CHRM3: variants seen among roughly 807,000 people sequenced by gnomAD.
The protein encoded by CHRM3 is cholinergic receptor muscarinic 3.
Under a neutral mutation model 41.8 loss-of-function variants are expected in CHRM3, and 11 were observed. That is an observed-to-expected ratio of 0.26 (90% CI 0.17 to 0.44). The LOEUF is 0.44. CHRM3 is among the 20% of genes least tolerant of loss of function. The pLI is 1.00. For synonymous variants in CHRM3, 297 were observed against 301.4 expected, an observed-to-expected ratio of 0.99 and a Z score of 0.15; for missense variants, 571 against 745.4, an observed-to-expected ratio of 0.77 and a Z score of 2.72.
chr1:239,715,989 C>A (rs1314549643), intron 5 of CHRM3, among the ~76,000 whole-genome samples: 2 of 152,054 alleles, frequency 1.3e-5, no homozygotes, highest in African/African-American at 4.8e-5. Flanking sequence ...TGCAGAGTCA[C>A]ATGAAGTTAA....
At chr1:239,509,756 T>C (rs1392994185) in intron 2 of CHRM3, among the ~76,000 whole-genome samples, 1 of 152,202 alleles carries the variant, frequency 6.6e-6, no homozygotes, top group African/African-American at 2.4e-5. Flanking sequence ...TGCTTAGATA[T>C]CGTGTATGCT....
intron 1 of CHRM3, among the ~76,000 whole-genome samples, chr1:239,469,325 T>C (rs1665947316): frequency 1.3e-5 from 2 of 152,206 alleles, no homozygotes. Flanking sequence ...ACCCATTCAA[T>C]TTTAAATGTT....
intron 1 of CHRM3, among the ~76,000 whole-genome samples, chr1:239,416,724 T>G (rs572185655): frequency 6.6e-6 from 1 of 152,286 alleles, no homozygotes; most frequent in East Asian, 1.9e-4. Flanking sequence ...CTGGAAGGGT[T>G]TATATATGTT....
chr1:239,893,456 T>C (rs558768808), intron 6 of CHRM3, among the ~76,000 whole-genome samples: 1 of 152,336 alleles, frequency 6.6e-6, no homozygotes, highest in Admixed American at 6.5e-5. Context: ...GTGTGTGGCA[T>C]CCTGCATCTG....
At chr1:239,497,423 T>C (rs1313654915) in intron 2 of CHRM3, among the ~76,000 whole-genome samples, 1 of 152,118 alleles carries the variant, frequency 6.6e-6, no homozygotes, top group East Asian at 1.9e-4. Context: ...GTTTCATGTC[T>C]CTCTTTGTGC....
At chr1:239,541,858 T>G (rs1658813424) in intron 2 of CHRM3, among the ~76,000 whole-genome samples, 1 of 152,204 alleles carries the variant, frequency 6.6e-6, no homozygotes, top group African/African-American at 2.4e-5. Context: ...TTTCTGTCAT[T>G]CTTCCTTTAC....
In CHRM3 at chr1:239,711,441, C is replaced by A. The variant is rs1042943613; in HGVS notation, c.-147+33153C>A. 7.9e-5 allele frequency among the ~76,000 whole-genome samples: 12 copies of A among 151,558 alleles called. 1 individual carries two copies. The East Asian group carries it at 2.3e-3, about 29-fold the overall frequency. On this transcript the variant is annotated intron_variant, in intron 5 of 6. Coordinates refer to ENST00000676153, the MANE Select transcript of CHRM3 (RefSeq NM_001375978.1). Reference sequence around the variant, plus strand: ...AGACCCCCCATTCCATCCATCAGCCCAAAGATTTAATAAATCAGTAATCAT... The same window carrying A: ...AGACCCCCCATTCCATCCATCAGCCAAAAGATTTAATAAATCAGTAATCAT...
intron 3 of CHRM3, among the ~76,000 whole-genome samples, chr1:239,613,073 G>T (rs751156753): frequency 6.6e-6 from 1 of 152,156 alleles, no homozygotes; most frequent in Admixed American, 6.6e-5. Flanking sequence ...GACTGCTGCC[G>T]AAAACTATAT....
At chr1:239,409,708 C>A (rs1660917185) in intron 1 of CHRM3, among the ~76,000 whole-genome samples, 1 of 152,022 alleles carries the variant, frequency 6.6e-6, no homozygotes, top group Non-Finnish European at 1.5e-5. Flanking sequence ...TTTGGGAGGC[C>A]GAGGTGGGCG....
intron 3 of CHRM3, among the ~76,000 whole-genome samples, chr1:239,581,982 G>A (rs1456824182): frequency 6.6e-6 from 1 of 152,166 alleles, no homozygotes; most frequent in Admixed American, 6.5e-5. Flanking sequence ...ACAATAACAT[G>A]AAAGAATACA....
chr1:239,403,850 G>T (rs996761577), intron 1 of CHRM3, among the ~76,000 whole-genome samples: 1 of 151,012 alleles, frequency 6.6e-6, no homozygotes, highest in Non-Finnish European at 1.5e-5. Context: ...ATGGGGACAG[G>T]GTCTGTCAAT....
chr1:239,787,648 C>T (rs541688165), intron 5 of CHRM3, among the ~76,000 whole-genome samples: 16 of 152,140 alleles, frequency 1.1e-4, no homozygotes, highest in Non-Finnish European at 2.2e-4. Flanking sequence ...CGTGCTGGCC[C>T]ATGCTGAGGG....
intron 5 of CHRM3, among the ~76,000 whole-genome samples, chr1:239,799,420 C>T (rs1239732926): frequency 6.6e-6 from 1 of 152,116 alleles, no homozygotes; most frequent in East Asian, 1.9e-4. Context: ...TTCTCAGGGG[C>T]AGGATCGAAC....
At chr1:239,450,749 T>C (rs1478523177) in intron 1 of CHRM3, among the ~76,000 whole-genome samples, 2 of 152,226 alleles carry the variant, frequency 1.3e-5, no homozygotes, top group East Asian at 3.8e-4. Context: ...CTCTAGGCAG[T>C]AATGGCCATT....
intron 1 of CHRM3, among the ~76,000 whole-genome samples, chr1:239,396,564 T>C (rs1417244755): frequency 6.6e-6 from 1 of 152,090 alleles, no homozygotes. Flanking sequence ...CAGTGAGCTG[T>C]GATGGTGCCA....
intron 3 of CHRM3, among the ~76,000 whole-genome samples, chr1:239,615,443 T>C (rs767222850): frequency 6.6e-6 from 1 of 152,062 alleles, no homozygotes; most frequent in Non-Finnish European, 1.5e-5. Context: ...TCATCTGGCA[T>C]GGGGACTGGG....
intron 6 of CHRM3, among the ~76,000 whole-genome samples, chr1:239,865,434 T>C (rs1381400286): frequency 6.6e-6 from 1 of 152,178 alleles, no homozygotes; most frequent in Admixed American, 6.5e-5. Flanking sequence ...AGTAAATCTA[T>C]AAATAATATG....
chr1:239,514,559 AC>A (rs1669138009), intron 2 of CHRM3, among the ~76,000 whole-genome samples: 1 of 152,104 alleles, frequency 6.6e-6, no homozygotes, highest in Admixed American at 6.5e-5. Flanking sequence ...TGCCATCTAC[AC>A]AAAAATTAAG....
At chr1:239,641,734 GTC>G (rs1558410511) in intron 4 of CHRM3, among the ~76,000 whole-genome samples, 3 of 140,566 alleles carry the variant, frequency 2.1e-5, no homozygotes, top group Admixed American at 7.3e-5. Flanking sequence ...GCCAGTCTGT[GTC>G]TTTTAATTGG....
Sources: allele counts gnomAD v4.1 joint callset (sites outside exome capture counted in the v4.1 genomes callset), GRCh38; gene constraint gnomAD v4.1.1; transcripts MANE v1.5; gene names NCBI Gene and HGNC (gene_info 2026-07-23, HGNC 2026-07-21).